The following SLC9A9 variants were observed in gnomAD, a reference collection of about 807,000 sequenced individuals.
SLC9A9 encodes solute carrier family 9 member A9.
Under a neutral mutation model 77.8 loss-of-function variants are expected in SLC9A9, and 62 were observed. That is an observed-to-expected ratio of 0.80 (90% CI 0.65 to 0.98). SLC9A9 has a LOEUF of 0.98. Among genes scored for constraint, SLC9A9 ranks in the 50% least tolerant of loss-of-function variants. The pLI is 0.00. For missense variants in SLC9A9, 775 were observed against 774.9 expected, an observed-to-expected ratio of 1.00 and a Z score of 0.00; for synonymous variants, 320 against 283.5, an observed-to-expected ratio of 1.13 and a Z score of -1.29.
At position 143,736,432 on chromosome 3, in the gene SLC9A9, T is replaced by C. The variant is rs559016196; in HGVS notation, c.534-43125A>G. Among the ~76,000 whole-genome samples the C allele has an allele frequency of 2.4e-4, 37 of 152,322 alleles. 1 individual carries two copies. In the East Asian group the frequency reaches 6.5e-3, roughly 27 times the overall value. On this transcript the variant is annotated intron_variant, in intron 4 of 15. Coordinates refer to ENST00000316549, the MANE Select transcript of SLC9A9 (RefSeq NM_173653.4). ...ATCGGCTACATAGCAGTCACTATTT[T>C]AGGGATTTGGATTCACAGATGAACA...
At position 143,720,501 on chromosome 3, in the gene SLC9A9, T is replaced by G. The variant is rs535343090; in HGVS notation, c.534-27194A>C. Among the ~76,000 whole-genome samples the G allele has an allele frequency of 3.9e-4, 59 of 152,200 alleles. 1 individual carries two copies. The highest frequency in any genetic ancestry group is 2.6e-4 in the Admixed American group (4 of 15,284). Reference sequence around the variant, plus strand: ...CCTCACTTGCTGAAGAAAGAACAAATGAGCAGGTGCAGAGTTTTATTTTTT... The same window carrying G: ...CCTCACTTGCTGAAGAAAGAACAAAGGAGCAGGTGCAGAGTTTTATTTTTT... On this transcript the variant is annotated intron_variant, in intron 4 of 15. Coordinates refer to ENST00000316549, the MANE Select transcript of SLC9A9 (RefSeq NM_173653.4).
At chr3:143,429,751 C>A (rs2034475663) in intron 12 of SLC9A9, among the ~76,000 whole-genome samples, 1 of 100,966 alleles carries the variant, frequency 9.9e-6, no homozygotes. Context: ...TGTGTGGAGT[C>A]CTAGTCCTCA....
At chr3:143,808,142 T>C (rs1408223762) in intron 2 of SLC9A9, among the ~76,000 whole-genome samples, 1 of 152,242 alleles carries the variant, frequency 6.6e-6, no homozygotes, top group Non-Finnish European at 1.5e-5. Flanking sequence ...TAAGAAAGCC[T>C]AAGGTCAAAT....
chr3:143,483,906 G>A (rs539256373), intron 11 of SLC9A9, among the ~76,000 whole-genome samples: 2 of 149,746 alleles, frequency 1.3e-5, no homozygotes, highest in East Asian at 1.9e-4. Context: ...TTAAGGGCAG[G>A]GCCCTCATCT....
chr3:143,393,859 G>A (rs550708768), intron 12 of SLC9A9, among the ~76,000 whole-genome samples: 58 of 152,148 alleles, frequency 3.8e-4, no homozygotes, highest in African/African-American at 1.4e-3. Context: ...AGAAGAAATG[G>A]ATAAATTCCT....
chr3:143,766,140 A>C (rs573386364), intron 4 of SLC9A9, among the ~76,000 whole-genome samples: 1 of 152,306 alleles, frequency 6.6e-6, no homozygotes, highest in Admixed American at 6.5e-5. Context: ...GTATGTCAAG[A>C]AGCATTATTG....
chr3:143,318,145 A>G (rs926305347), intron 14 of SLC9A9, among the ~76,000 whole-genome samples: 2 of 152,064 alleles, frequency 1.3e-5, no homozygotes, highest in African/African-American at 4.8e-5. Context: ...TAGTCTTTTT[A>G]TTTTTACTAT....
Position 143,266,247 on chromosome 3 carries a change from C to A in SLC9A9, c.*455G>T. 1.6e-6 allele frequency: 1 copy of A among 618,382 alleles called. No homozygotes were observed. The highest frequency in any genetic ancestry group is 1.9e-5 in the South Asian group (1 of 51,642). 38.3% of individuals were successfully genotyped at this position (618,382 alleles called of 1,614,324 possible). A position where few individuals can be genotyped will look rare whatever the true frequency, so the allele number is the denominator to read the frequency against. On this transcript the variant is annotated 3_prime_UTR_variant, in exon 16 of 16. Transcript: ENST00000316549. ...CTCAAAATAAGAAACTTATCACTTA[C>A]TAAATAGCTGGGCATTCCCTTCAGC... is the stretch of plus-strand genomic sequence containing the variant.
chr3:143,741,357 A>T (rs780667473), intron 4 of SLC9A9, among the ~76,000 whole-genome samples: 1 of 152,232 alleles, frequency 6.6e-6, no homozygotes, highest in Non-Finnish European at 1.5e-5. Flanking sequence ...AATAGCTAAA[A>T]TACCTGGAGC....
chr3:143,398,016 C>T lies in SLC9A9; in HGVS notation c.1470-15902G>A, dbSNP rs567343606. ...GGAAAGAATCCTTAGAAGGCAACAACAAAGTTTTGCAAAATTGATGGATAG... is the reference window on the plus strand; with the variant it reads ...GGAAAGAATCCTTAGAAGGCAACAATAAAGTTTTGCAAAATTGATGGATAG... On this transcript the variant is annotated intron_variant, in intron 12 of 15. Transcript: ENST00000316549. Among the ~76,000 whole-genome samples the T allele has an allele frequency of 1.5e-3, 232 of 152,226 alleles. 1 individual carries two copies. The highest frequency in any genetic ancestry group is 2.1e-3 in the Non-Finnish European group (145 of 67,996).
Position 143,848,142 on chromosome 3 carries a change from A to G in SLC9A9, c.175+6T>C, listed in dbSNP as rs752298518. On this transcript the variant is annotated splice_donor_region_variant and intron_variant, in intron 1 of 15. Transcript: ENST00000316549. Reference sequence around the variant, plus strand: ...TTCACATCAATCTCACAATTTATGCACTCACCATACACCATTGCTCCTCCA... The same window carrying G: ...TTCACATCAATCTCACAATTTATGCGCTCACCATACACCATTGCTCCTCCA... 6.2e-7 allele frequency: 1 copy of G among 1,612,252 alleles called. No homozygotes were observed. The highest frequency in any genetic ancestry group is 8.5e-7 in the Non-Finnish European group (1 of 1,178,464).
At chr3:143,720,034 T>G (rs1373999902) in intron 4 of SLC9A9, among the ~76,000 whole-genome samples, 1 of 151,826 alleles carries the variant, frequency 6.6e-6, no homozygotes, top group African/African-American at 2.4e-5. Flanking sequence ...CTAACCCTAA[T>G]AGTTGAAATT....
intron 9 of SLC9A9, among the ~76,000 whole-genome samples, chr3:143,514,009 G>A (rs113933123): frequency 6.6e-6 from 1 of 151,808 alleles, no homozygotes; most frequent in East Asian, 1.9e-4. Flanking sequence ...CCCTACCCCA[G>A]GACAGGCCTC....
At chr3:143,810,261 G>A (rs1471597347) in intron 2 of SLC9A9, among the ~76,000 whole-genome samples, 5 of 152,204 alleles carry the variant, frequency 3.3e-5, no homozygotes, top group South Asian at 2.1e-4. Context: ...AAGTTCATCA[G>A]AAGGTTACAG....
chr3:143,747,231 C>T (rs1330039092), intron 4 of SLC9A9, among the ~76,000 whole-genome samples: 3 of 151,970 alleles, frequency 2.0e-5, no homozygotes, highest in African/African-American at 7.3e-5. Context: ...TGGTGAAACC[C>T]CGTCTCTACT....
intron 4 of SLC9A9, among the ~76,000 whole-genome samples, chr3:143,694,060 A>T (rs1430152389): frequency 6.6e-6 from 1 of 152,078 alleles, no homozygotes; most frequent in Non-Finnish European, 1.5e-5. Flanking sequence ...TAGTAGAGGA[A>T]ATAGAGAGGT....
chr3:143,584,612 CA>C (rs1355569815), intron 6 of SLC9A9, among the ~76,000 whole-genome samples: 1 of 152,130 alleles, frequency 6.6e-6, no homozygotes, highest in Non-Finnish European at 1.5e-5. Flanking sequence ...TAATCCCTAA[CA>C]AAAAAATTAT....
chr3:143,768,272 A>T (rs1418688251), intron 4 of SLC9A9, among the ~76,000 whole-genome samples: 1 of 152,212 alleles, frequency 6.6e-6, no homozygotes, highest in Non-Finnish European at 1.5e-5. Flanking sequence ...ATAAGTAATC[A>T]AAAGAATACC....
At chr3:143,658,752 G>A (rs1204430469) in intron 5 of SLC9A9, among the ~76,000 whole-genome samples, 2 of 152,132 alleles carry the variant, frequency 1.3e-5, no homozygotes, top group Non-Finnish European at 2.9e-5. Context: ...ATCCCTAGCA[G>A]TCACTGAGAG....
Sources: gnomAD v4.1 joint callset for allele counts (sites outside exome capture counted in the v4.1 genomes callset) on GRCh38, gnomAD v4.1.1 for gene constraint, MANE v1.5 for transcripts, NCBI Gene and HGNC (gene_info 2026-07-23, HGNC 2026-07-21) for gene names.